Variants in CDADC1 observed in about 807,000 individuals in gnomAD.
The protein encoded by CDADC1 is dCTP deaminase.
A neutral mutation model predicts 54.9 loss-of-function variants in CDADC1; 39 were observed. The ratio of observed to expected loss-of-function variants is 0.71; its 90% CI spans 0.55 to 0.93. The LOEUF (loss-of-function observed/expected upper bound fraction) is 0.93. Ranked by LOEUF, CDADC1 falls within the 40% of genes least tolerant of loss-of-function variation. CDADC1 has a pLI of 0.00. For synonymous variants in CDADC1, 186 were observed against 204.0 expected (o/e 0.91, Z 0.75); for missense variants, 518 against 618.8 (o/e 0.84, Z 1.73).
In CDADC1 at chr13:49,255,925, T is replaced by C; in HGVS notation, c.252+12T>C. 6.2e-7 allele frequency: 1 copy of C among 1,610,458 alleles called. No individual in the cohort carries two copies. The highest frequency in any genetic ancestry group is 8.5e-7 in the Non-Finnish European group (1 of 1,178,904). On this transcript the variant is annotated intron_variant, in intron 3 of 9. Transcript: ENST00000251108. ...CTGACAAAAGACAGGTAAATTTTTA[T>C]GATTTCACATATATATGCTCATAAT... is the stretch of plus-strand genomic sequence containing the variant.
At chr13:49,270,833 A>AT (rs1952947648) in intron 5 of CDADC1, among the ~76,000 whole-genome samples, 1 of 152,196 alleles carries the variant, frequency 6.6e-6, no homozygotes, top group African/African-American at 2.4e-5. Context: ...GAGCTTGGTG[A>AT]TTTATATATG....
At chr13:49,279,189 C>T (rs2138250966) in intron 7 of CDADC1, among the ~76,000 whole-genome samples, 1 of 152,300 alleles carries the variant, frequency 6.6e-6, no homozygotes, top group East Asian at 1.9e-4. Context: ...CTGTGTAAGA[C>T]ATGACTCCTG....
chr13:49,269,388 C>G (rs1184492127), intron 5 of CDADC1, among the ~76,000 whole-genome samples: 1 of 151,952 alleles, frequency 6.6e-6, no homozygotes, highest in Non-Finnish European at 1.5e-5. Flanking sequence ...AAACCAAGTC[C>G]CTAACAAAAT....
Position 49,267,672 on chromosome 13 carries a change from G to C in CDADC1, c.613G>C (p.Glu205Gln). The change falls in exon 5 of 10, where the codon GAG (glutamate) becomes CAG (glutamine). Residue 205 changes from glutamate (E) to glutamine (Q), a missense_variant. Coordinates refer to ENST00000251108, the MANE Select transcript of CDADC1 (RefSeq NM_030911.4). ...GTGTTATATGGTGCAGTTTGTAGAG[G>C]AGACCTCTTACAAATGTGACTTTAT... ...LVCYMVQFVEETSYKCDFIQK... is the reference protein window; with the variant it reads ...LVCYMVQFVEQTSYKCDFIQK... The C allele has an allele frequency of 1.9e-6, 3 of 1,613,962 alleles. No homozygotes were observed. Among genetic ancestry groups the C allele is most frequent in the Non-Finnish European group, 1.7e-6 (2 of 1,179,946 alleles).
Position 49,282,964 on chromosome 13 carries a change from A to G in CDADC1, c.1410+2266A>G, listed in dbSNP as rs186141253. Among the ~76,000 whole-genome samples, 13 of 152,330 alleles carry G rather than the reference A, an allele frequency of 8.5e-5. No individual in the cohort carries two copies. In the East Asian group the frequency reaches 2.5e-3, roughly 29 times the overall value. ...GTTGGGGACTGCTTTTATATAGCAA[A>G]AGGATCCTGTCCAGAATCATACATT... is the stretch of plus-strand genomic sequence containing the variant. On this transcript the variant is annotated intron_variant, in intron 8 of 9. Coordinates refer to ENST00000251108, the MANE Select transcript of CDADC1 (RefSeq NM_030911.4).
chr13:49,280,489 T>C lies in CDADC1; in HGVS notation c.1221-20T>C. The C allele has an allele frequency of 7.6e-7, 1 of 1,315,642 alleles. No homozygotes were observed. Among genetic ancestry groups the C allele is most frequent in the Non-Finnish European group, 1.0e-6 (1 of 993,446 alleles). The allele number at this position is 1,315,642 out of a possible 1,614,324, so 81.5% of individuals were successfully genotyped here. On this transcript the variant is annotated intron_variant, in intron 7 of 9. Coordinates refer to ENST00000251108, the MANE Select transcript of CDADC1 (RefSeq NM_030911.4). ...CCTTTCAGAAACGACCTTTCTGATA[T>C]TTTATAATTTTTTTTGTAGGTGTCA...
At chr13:49,263,670 A>G (rs1952741443) in intron 4 of CDADC1, among the ~76,000 whole-genome samples, 1 of 152,230 alleles carries the variant, frequency 6.6e-6, no homozygotes, top group South Asian at 2.1e-4. Flanking sequence ...ATTTTCGTAT[A>G]CTTCAATGAA....
rs1471595387 is a variant in CDADC1 at position 49,275,736 on chromosome 13, G to T, written c.1050+1396G>T. On this transcript the variant is annotated intron_variant, in intron 6 of 9. Transcript: ENST00000251108. ...ATATATATATATATATAGAGAGAGA[G>T]AGAGAGAGAGAGAGAGAGAGAGAGA... Among the ~76,000 whole-genome samples the T allele has an allele frequency of 9.3e-3, 102 of 10,912 alleles. 2 individuals are homozygous for T. The highest frequency in any genetic ancestry group is 0.012 in the African/African-American group (30 of 2,436). The allele number at this position is 10,912 out of a possible 152,430, so 7.2% of individuals were successfully genotyped here.
At chr13:49,282,143 A>G (rs1308092756) in intron 8 of CDADC1, among the ~76,000 whole-genome samples, 1 of 151,248 alleles carries the variant, frequency 6.6e-6, no homozygotes, top group Non-Finnish European at 1.5e-5. Context: ...TTCTTATTTG[A>G]TAGTTCCAAA....
Position 49,266,108 on chromosome 13 carries a change from C to T in CDADC1, c.431-1382C>T, listed in dbSNP as rs554744023. 2.0e-5 allele frequency: 6 copies of T among 305,196 alleles called. No individual in the cohort carries two copies. In the Admixed American group the frequency reaches 2.0e-4, roughly 10 times the overall value. 18.9% of individuals were successfully genotyped at this position (305,196 alleles called of 1,614,324 possible). A position where few individuals can be genotyped will look rare whatever the true frequency, so the allele number is the denominator to read the frequency against. On this transcript the variant is annotated intron_variant, in intron 4 of 9. Transcript: ENST00000251108. Reference sequence around the variant, plus strand: ...GTTTAACTGAGACTTTTTAGTTCATCAATTATTTTGAAGGGTAGAACACTC... The same window carrying T: ...GTTTAACTGAGACTTTTTAGTTCATTAATTATTTTGAAGGGTAGAACACTC...
At chr13:49,263,374 T>A (rs1342831539) in intron 4 of CDADC1, among the ~76,000 whole-genome samples, 1 of 152,228 alleles carries the variant, frequency 6.6e-6, no homozygotes, top group Non-Finnish European at 1.5e-5. Context: ...GGATTTTTTT[T>A]AATATTGTAA....
At chr13:49,286,522 A>G (rs780567865) in intron 9 of CDADC1, among the ~76,000 whole-genome samples, 2 of 152,244 alleles carry the variant, frequency 1.3e-5, no homozygotes, top group African/African-American at 2.4e-5. Context: ...ATAATTATGC[A>G]CAAATTGACT....
intron 9 of CDADC1, 27 bp from the exon 10 acceptor site, chr13:49,291,657 C>G (rs752343049): frequency 6.2e-7 from 1 of 1,609,118 alleles, no homozygotes; most frequent in South Asian, 1.1e-5. Context: ...TGAAGCTGTC[C>G]TGACCTAGCG....
intron 1 of CDADC1, 199 bp downstream of exon 1, chr13:49,248,318 C>A (rs1480840871): frequency 5.4e-6 from 3 of 555,626 alleles, no homozygotes; most frequent in African/African-American, 1.9e-5. Context: ...TGAAGTCTCG[C>A]TTTTTACCCC....
chr13:49,259,654 T>C lies in CDADC1; in HGVS notation c.430+131T>C, dbSNP rs1220127120. 8.7e-6 allele frequency: 7 copies of C among 803,246 alleles called. No homozygotes were observed. In the Admixed American group the frequency reaches 1.5e-4, roughly 17 times the overall value. The allele number at this position is 803,246 out of a possible 1,614,324, so 49.8% of individuals were successfully genotyped here. A position where few individuals can be genotyped will look rare whatever the true frequency, so the allele number is the denominator to read the frequency against. On this transcript the variant is annotated intron_variant, in intron 4 of 9. Coordinates refer to ENST00000251108, the MANE Select transcript of CDADC1 (RefSeq NM_030911.4). ...TCGCCTGAGCCCAGGAGTTCACAAA[T>C]AGCCTGTGCAACATAGGGAGACCTC...
At chr13:49,282,236 G>GTTTTTTTTTTTTTTTTTT (rs759792512) in intron 8 of CDADC1, among the ~76,000 whole-genome samples, 1 of 94,146 alleles carries the variant, frequency 1.1e-5, no homozygotes. Context: ...GTTTTTGTGG[G>GTTTTTTTTTTTTTTTTTT]TTTTTTTTTT....
chr13:49,289,046 A>G (rs548380732), intron 9 of CDADC1, among the ~76,000 whole-genome samples: 3 of 151,586 alleles, frequency 2.0e-5, no homozygotes, highest in Admixed American at 6.6e-5. Flanking sequence ...CAATCAACAC[A>G]TGAAAAGATG....
intron 9 of CDADC1, among the ~76,000 whole-genome samples, chr13:49,289,109 CTTTTTTTTTGCTTTT>C (rs1953615316): frequency 9.7e-6 from 1 of 102,588 alleles, no homozygotes; most frequent in African/African-American, 3.8e-5. Flanking sequence ...ACGGAAGTAG[CTTTTTTTTTGCTTTT>C]TTTTTTTTTT....
intron 6 of CDADC1, among the ~76,000 whole-genome samples, chr13:49,276,244 G>T (rs1593835412): frequency 6.6e-6 from 1 of 152,184 alleles, no homozygotes; most frequent in African/African-American, 2.4e-5. Flanking sequence ...CATGTGGCTA[G>T]TGGCGACTGT....
Sources: allele counts gnomAD v4.1 joint callset (sites outside exome capture counted in the v4.1 genomes callset), GRCh38; gene constraint gnomAD v4.1.1; transcripts MANE v1.5; gene names NCBI Gene and HGNC (gene_info 2026-07-23, HGNC 2026-07-21).